Variants in TTC17 observed in about 807,000 individuals in gnomAD.
TTC17 encodes the protein tetratricopeptide repeat protein 17.
TTC17 carries 58 observed loss-of-function variants against 143.8 expected under a neutral mutation model. The ratio of observed to expected loss-of-function variants is 0.40; its 90% CI spans 0.33 to 0.50. The LOEUF is 0.50. TTC17 is among the 20% of genes least tolerant of loss of function. The pLI, the probability that TTC17 is intolerant of heterozygous loss-of-function variation, is 0.49. For synonymous variants in TTC17, 501 were observed against 497.8 expected (o/e 1.01, Z -0.09); for missense variants, 1,273 against 1,392.5 (o/e 0.91, Z 1.37).
chr11:43,455,291 G>GA (rs1394679906), intron 21 of TTC17, among the ~76,000 whole-genome samples: 1 of 151,488 alleles, frequency 6.6e-6, no homozygotes, highest in African/African-American at 2.4e-5. Context: ...CAGTAAAAAT[G>GA]AAAAATAAGA....
intron 23 of TTC17, 141 bp downstream of exon 23, chr11:43,492,304 T>G (rs141950084): frequency 8.5e-7 from 1 of 1,170,418 alleles, no homozygotes; most frequent in African/African-American, 1.5e-5. Flanking sequence ...AATGTTATAT[T>G]TTATGGATAA....
chr11:43,473,183 A>G lies in TTC17; in HGVS notation c.3031-17056A>G, dbSNP rs115619915. Among the ~76,000 whole-genome samples, 53 of 152,216 alleles carry G rather than the reference A, an allele frequency of 3.5e-4. 1 individual carries two copies. In the Middle Eastern group the frequency reaches 0.01, roughly 29 times the overall value. ...GGGCGAGACTCCATCTAAAAAAAAA[A>G]AAAGAAAGAAAATCTTCACCTGTTT... On this transcript the variant is annotated intron_variant, in intron 21 of 23. Coordinates refer to ENST00000039989, the MANE Select transcript of TTC17 (RefSeq NM_018259.6).
At position 43,448,053 on chromosome 11, in the gene TTC17, T is replaced by G; in HGVS notation, c.2717T>G (p.Leu906Arg). ...RLGWPSPDECLKLRWVELTAI... is the reference protein window; with the variant it reads ...RLGWPSPDECRKLRWVELTAI... Reference sequence around the variant, plus strand: ...GGATGGCCCAGCCCGGACGAATGCCTCAAACTCCGCTGGGTAGAGCTGACT... The same window carrying G: ...GGATGGCCCAGCCCGGACGAATGCCGCAAACTCCGCTGGGTAGAGCTGACT... The change falls in exon 19 of 24, where the codon CTC becomes CGC. Residue 906 changes from leucine to arginine, a missense_variant. Around this residue, in one of 3 missense-constraint regions of TTC17, gnomAD observed 878 missense variants for 899.8 expected, o/e 0.98. Coordinates refer to ENST00000039989, the MANE Select transcript of TTC17 (RefSeq NM_018259.6). The G allele has an allele frequency of 1.2e-6, 2 of 1,614,158 alleles. No homozygotes were observed. The highest frequency in any genetic ancestry group is 1.7e-6 in the Non-Finnish European group (2 of 1,179,982).
At position 43,493,794 on chromosome 11, in the gene TTC17, G is replaced by A. The variant is rs1948512110; in HGVS notation, c.3316G>A (p.Val1106Met). The change falls in exon 24 of 24, where the codon GTG (valine) becomes ATG (methionine). Residue 1106 changes from valine (V) to methionine (M), a missense_variant. By Grantham distance (21) the Val-to-Met change is conservative. Around this residue, in one of 3 missense-constraint regions of TTC17, gnomAD observed 878 missense variants for 899.8 expected, o/e 0.98. Coordinates refer to ENST00000039989, the MANE Select transcript of TTC17 (RefSeq NM_018259.6). ...VAMEEFEKALVWYESTLKLQP... is the reference protein window; with the variant it reads ...VAMEEFEKALMWYESTLKLQP... ...ACAGGAAGAATTTGAAAAAGCACTGGTGTGGTATGAATCCACATTGAAGCT... is the reference window on the plus strand; with the variant it reads ...ACAGGAAGAATTTGAAAAAGCACTGATGTGGTATGAATCCACATTGAAGCT... The A allele has an allele frequency of 1.2e-6, 2 of 1,613,924 alleles. No homozygotes were observed. The highest frequency in any genetic ancestry group is 1.7e-6 in the Non-Finnish European group (2 of 1,179,972).
At chr11:43,382,295 CAAG>C (rs898653428) in intron 2 of TTC17, among the ~76,000 whole-genome samples, 7 of 152,050 alleles carry the variant, frequency 4.6e-5, no homozygotes, top group African/African-American at 1.4e-4. Context: ...TGTATTTCTG[CAAG>C]AAGAAAAGTA....
At chr11:43,444,523 T>G in intron 18 of TTC17, 1 of 182,066 alleles carries the variant, frequency 5.5e-6, no homozygotes, top group East Asian at 1.3e-4. Flanking sequence ...AAAATAATAA[T>G]TCTGACACTG....
At chr11:43,427,864 A>C (rs1350053716) in intron 16 of TTC17, among the ~76,000 whole-genome samples, 1 of 152,156 alleles carries the variant, frequency 6.6e-6, no homozygotes, top group African/African-American at 2.4e-5. Context: ...AGCACATAGA[A>C]TATTCTTTAA....
intron 1 of TTC17, among the ~76,000 whole-genome samples, chr11:43,368,086 C>T (rs1381063236): frequency 2.6e-5 from 4 of 152,120 alleles, no homozygotes; most frequent in South Asian, 4.1e-4. Context: ...AGAGCCAACA[C>T]GTATTCCTGG....
chr11:43,373,743 G>A (rs1565131184), intron 1 of TTC17, among the ~76,000 whole-genome samples: 2 of 152,340 alleles, frequency 1.3e-5, no homozygotes. Context: ...TATTTTGGGG[G>A]TATAGGTCTG....
intron 21 of TTC17, among the ~76,000 whole-genome samples, chr11:43,467,647 A>T (rs1365316222): frequency 6.6e-6 from 1 of 152,218 alleles, no homozygotes; most frequent in East Asian, 1.9e-4. Flanking sequence ...GTTAAGATAA[A>T]TTTTATGCGT....
intron 16 of TTC17, among the ~76,000 whole-genome samples, chr11:43,432,474 TGCAA>T (rs1947180439): frequency 6.6e-6 from 1 of 152,236 alleles, no homozygotes; most frequent in Non-Finnish European, 1.5e-5. Flanking sequence ...CTAAATGCTT[TGCAA>T]GCAAGTAACA....
At position 43,489,170 on chromosome 11, in the gene TTC17, C is replaced by G. The variant is rs967253657; in HGVS notation, c.3031-1069C>G. On this transcript the variant is annotated intron_variant, in intron 21 of 23. Transcript: ENST00000039989. Reference sequence around the variant, plus strand: ...TCTGTAAATCATAGGCAAGGATGATCTCCCTAAAATATAAAGAACTTTTTA... The same window carrying G: ...TCTGTAAATCATAGGCAAGGATGATGTCCCTAAAATATAAAGAACTTTTTA... Among the ~76,000 whole-genome samples the G allele has an allele frequency of 9.9e-4, 150 of 152,196 alleles. 2 individuals carry two copies. Among genetic ancestry groups the G allele is most frequent in the African/African-American group, 3.5e-3 (145 of 41,456 alleles).
intron 2 of TTC17, among the ~76,000 whole-genome samples, chr11:43,386,182 A>T (rs1283064438): frequency 6.6e-6 from 1 of 151,942 alleles, no homozygotes; most frequent in East Asian, 1.9e-4. Flanking sequence ...AAAAAAAAAA[A>T]TTTCCTATGC....
intron 16 of TTC17, among the ~76,000 whole-genome samples, chr11:43,440,145 T>C (rs1565167449): frequency 6.6e-6 from 1 of 152,190 alleles, no homozygotes; most frequent in Non-Finnish European, 1.5e-5. Context: ...CAGAATTCGG[T>C]ATTTTCAGCT....
intron 16 of TTC17, among the ~76,000 whole-genome samples, chr11:43,437,937 T>G (rs1056672730): frequency 6.6e-6 from 1 of 152,236 alleles, no homozygotes; most frequent in Non-Finnish European, 1.5e-5. Context: ...CAAATACTTA[T>G]GATTATTGTT....
intron 16 of TTC17, among the ~76,000 whole-genome samples, chr11:43,437,063 TA>T (rs1947309295): frequency 6.6e-6 from 1 of 152,240 alleles, no homozygotes; most frequent in Admixed American, 6.5e-5. Flanking sequence ...TCCAGACCTA[TA>T]TTTCAGCTAA....
chr11:43,402,674 A>G (rs546059713), intron 10 of TTC17, among the ~76,000 whole-genome samples: 1 of 152,194 alleles, frequency 6.6e-6, no homozygotes, highest in Non-Finnish European at 1.5e-5. Flanking sequence ...TTTGATTGGG[A>G]TGCTTAACAG....
intron 16 of TTC17, among the ~76,000 whole-genome samples, chr11:43,427,714 T>G (rs938742861): frequency 6.6e-6 from 1 of 152,198 alleles, no homozygotes. Context: ...CTTTGGCTCC[T>G]GTGACTTGCC....
intron 16 of TTC17, among the ~76,000 whole-genome samples, chr11:43,417,198 A>G (rs1335298049): frequency 1.3e-5 from 2 of 152,186 alleles, no homozygotes; most frequent in African/African-American, 4.8e-5. Context: ...AAGAAGCCAA[A>G]CACCTTTATA....
Sources: gnomAD v4.1 joint callset for allele counts (sites outside exome capture counted in the v4.1 genomes callset) on GRCh38, gnomAD v4.1.1 for gene constraint, gnomAD v4.1.1 regional missense constraint, MANE v1.5 for transcripts, NCBI Gene and HGNC (gene_info 2026-07-23, HGNC 2026-07-21) for gene names.